Variants in TAS2R1 observed in about 807,000 individuals in gnomAD.
The protein encoded by TAS2R1 is taste receptor type 2 member 1.
For synonymous variants in TAS2R1, 141 were observed against 134.2 expected, an observed-to-expected ratio of 1.05 and a Z score of -0.35; for missense variants, 370 against 353.4, an observed-to-expected ratio of 1.05 and a Z score of -0.38.
the TAS2R1 span, among the ~76,000 whole-genome samples, chr5:9,832,781 ATGTTTT>A: frequency 9.2e-5 from 14 of 152,178 alleles, no homozygotes; most frequent in African/African-American, 3.1e-4. Context: ...ATATTCCTCT[ATGTTTT>A]TGTAAACCGA....
At chr5:9,839,481 A>G in the TAS2R1 span, among the ~76,000 whole-genome samples, 1 of 152,236 alleles carries the variant, frequency 6.6e-6, no homozygotes, top group Non-Finnish European at 1.5e-5. Flanking sequence ...AACAAAATAA[A>G]AAAAGAAAAG....
At chr5:9,892,013 C>G in the TAS2R1 span, among the ~76,000 whole-genome samples, 292 of 152,260 alleles carry the variant, frequency 1.9e-3, 3 homozygotes, top group African/African-American at 6.8e-3. Flanking sequence ...AGGTTCTGCT[C>G]TTTTTCTTAT....
At chr5:9,853,917 A>C in the TAS2R1 span, among the ~76,000 whole-genome samples, 1 of 152,202 alleles carries the variant, frequency 6.6e-6, no homozygotes, top group African/African-American at 2.4e-5. Flanking sequence ...TCTAAATTGA[A>C]AGGGTTCTTC....
intron 1 of TAS2R1, among the ~76,000 whole-genome samples, chr5:9,679,043 T>C (rs1277869912): frequency 1.3e-5 from 2 of 152,148 alleles, no homozygotes; most frequent in African/African-American, 4.8e-5. Context: ...ATAAATGAAC[T>C]ATCAAGCCAC....
chr5:9,760,021 G>A, the TAS2R1 span, among the ~76,000 whole-genome samples: 52 of 152,248 alleles, frequency 3.4e-4, no homozygotes, highest in African/African-American at 1.2e-3. Flanking sequence ...TTAAAGAGGG[G>A]TCATAACTAC....
the TAS2R1 span, among the ~76,000 whole-genome samples, chr5:9,868,199 C>T: frequency 7.4e-4 from 112 of 152,242 alleles, no homozygotes; most frequent in Non-Finnish European, 9.4e-4. Context: ...GGCAGTGCTC[C>T]AGTGGGGACT....
chr5:9,698,430 A>T (rs1041025728), intron 1 of TAS2R1, among the ~76,000 whole-genome samples: 2 of 152,202 alleles, frequency 1.3e-5, no homozygotes, highest in African/African-American at 4.8e-5. Flanking sequence ...TGTCAACATG[A>T]TGTCAAAGTT....
intron 1 of TAS2R1, among the ~76,000 whole-genome samples, chr5:9,688,836 T>C (rs1741177623): frequency 6.6e-6 from 1 of 152,144 alleles, no homozygotes; most frequent in African/African-American, 2.4e-5. Flanking sequence ...AAAGCGACTG[T>C]CTGCAGCTAG....
the TAS2R1 span, among the ~76,000 whole-genome samples, chr5:9,820,368 T>A: frequency 1.3e-5 from 2 of 152,148 alleles, no homozygotes; most frequent in African/African-American, 2.4e-5. Flanking sequence ...CCTATAAAAT[T>A]TTCATACCCC....
At chr5:9,859,793 G>A in the TAS2R1 span, among the ~76,000 whole-genome samples, 1 of 152,152 alleles carries the variant, frequency 6.6e-6, no homozygotes, top group African/African-American at 2.4e-5. Flanking sequence ...GACAGCCCCT[G>A]AGACCCAGAG....
the TAS2R1 span, among the ~76,000 whole-genome samples, chr5:9,801,076 C>A: frequency 1.3e-5 from 2 of 152,216 alleles, no homozygotes; most frequent in Non-Finnish European, 2.9e-5. Flanking sequence ...CCTATAATCC[C>A]AGCTTCTCAG....
At chr5:9,817,511 CT>C in the TAS2R1 span, among the ~76,000 whole-genome samples, 1 of 152,042 alleles carries the variant, frequency 6.6e-6, no homozygotes, top group Non-Finnish European at 1.5e-5. Flanking sequence ...TATGGGGTTT[CT>C]TTTGGGGGTG....
the TAS2R1 span, among the ~76,000 whole-genome samples, chr5:9,750,370 GC>G: frequency 1.3e-5 from 2 of 152,104 alleles, no homozygotes; most frequent in Non-Finnish European, 2.9e-5. Flanking sequence ...TTAAACTCCA[GC>G]CTAGTCCCTT....
intron 1 of TAS2R1, among the ~76,000 whole-genome samples, chr5:9,675,650 C>T (rs887803839): frequency 6.6e-6 from 1 of 152,008 alleles, no homozygotes; most frequent in South Asian, 2.1e-4. Context: ...CTCTTGACCT[C>T]GTGATCCACC....
At chr5:9,729,594 T>A in the TAS2R1 span, among the ~76,000 whole-genome samples, 1 of 152,128 alleles carries the variant, frequency 6.6e-6, no homozygotes, top group East Asian at 1.9e-4. Context: ...AAATATACTT[T>A]AAGTTTTAGG....
the TAS2R1 span, among the ~76,000 whole-genome samples, chr5:9,778,774 A>C: frequency 6.6e-6 from 1 of 152,228 alleles, no homozygotes; most frequent in Non-Finnish European, 1.5e-5. Flanking sequence ...GCTCTGGATT[A>C]GGCTTTGGCT....
the TAS2R1 span, among the ~76,000 whole-genome samples, chr5:9,867,891 A>T: frequency 6.6e-6 from 1 of 152,212 alleles, no homozygotes; most frequent in Non-Finnish European, 1.5e-5. Context: ...AAATTGGCAA[A>T]AACAAAGGAG....
At chr5:9,668,029 C>T (rs1397094942) in intron 1 of TAS2R1, among the ~76,000 whole-genome samples, 1 of 152,090 alleles carries the variant, frequency 6.6e-6, no homozygotes, top group Non-Finnish European at 1.5e-5. Flanking sequence ...AATGCAGTAA[C>T]ATGATGCAGG....
chr5:9,786,430 C>CA, the TAS2R1 span, among the ~76,000 whole-genome samples: 5 of 152,156 alleles, frequency 3.3e-5, no homozygotes, highest in Non-Finnish European at 7.4e-5. Flanking sequence ...TAAGTCCCAT[C>CA]ACAGTATGGA....
Sources: allele counts gnomAD v4.1 joint callset (sites outside exome capture counted in the v4.1 genomes callset), GRCh38; gene constraint gnomAD v4.1.1; transcripts MANE v1.5; gene names NCBI Gene and HGNC (gene_info 2026-07-23, HGNC 2026-07-21).